Variants in CLDN16 observed in about 807,000 individuals in gnomAD.
CLDN16 encodes the protein claudin 16.
CLDN16 carries 13 observed loss-of-function variants against 24.6 expected under a neutral mutation model. The ratio of observed to expected loss-of-function variants is 0.53; its 90% confidence interval spans 0.34 to 0.84. The LOEUF (loss-of-function observed/expected upper bound fraction) is 0.84, where lower values mean the gene tolerates loss of function less well. Ranked by LOEUF, CLDN16 falls within the 40% of genes least tolerant of loss-of-function variation. The pLI is 0.01. For synonymous variants in CLDN16, 116 were observed against 106.7 expected, an observed-to-expected ratio of 1.09 and a Z score of -0.54; for missense variants, 298 against 292.7, an observed-to-expected ratio of 1.02 and a Z score of -0.13.
At chr3:190,302,994 A>G in the CLDN16 span, among the ~76,000 whole-genome samples, 1 of 151,926 alleles carries the variant, frequency 6.6e-6, no homozygotes, top group Non-Finnish European at 1.5e-5. Context: ...AAATTATTTG[A>G]AAGTTCTACC....
In CLDN16 at chr3:190,388,416, G is replaced by C. The variant is rs1064795763; in HGVS notation, c.87G>C (p.Trp29Cys). Residue 29 changes from tryptophan to cysteine, a missense_variant, in exon 1 of 5, where the codon TGG becomes TGC. Physicochemically the swap from Trp to Cys is radical, Grantham distance 215 (BLOSUM62 -2). Coordinates refer to ENST00000264734, the MANE Select transcript of CLDN16 (RefSeq NM_006580.4). ...TTGTGGCCACCTGGACTGACTGTTG[G>C]ATGGTGAATGCTGATGACTCTCTGG... Reference protein sequence around the residue: ...FLIVATWTDCWMVNADDSLEV... With the variant: ...FLIVATWTDCCMVNADDSLEV... 6.2e-7 allele frequency: 1 copy of C among 1,614,022 alleles called. No homozygotes were observed. The highest frequency in any genetic ancestry group is 8.5e-7 in the Non-Finnish European group (1 of 1,179,978).
chr3:190,387,901 A>T, upstream of CLDN16: 1 of 583,066 alleles, frequency 1.7e-6, no homozygotes, highest in Admixed American at 3.0e-5. Flanking sequence ...AGAATAGCTC[A>T]CTCTCCCTAG....
intron 1 of CLDN16, among the ~76,000 whole-genome samples, chr3:190,365,942 C>G (rs1320000106): frequency 6.6e-6 from 1 of 151,818 alleles, no homozygotes; most frequent in African/African-American, 2.4e-5. Context: ...CTACATAATT[C>G]TTAAGCAAGG....
intron 1 of CLDN16, among the ~76,000 whole-genome samples, chr3:190,345,751 C>T (rs1358310205): frequency 1.3e-5 from 2 of 152,070 alleles, no homozygotes; most frequent in African/African-American, 4.8e-5. Context: ...AAAATAAACA[C>T]ACTTTGGCAG....
chr3:190,292,688 T>A, the CLDN16 span, among the ~76,000 whole-genome samples: 1 of 152,188 alleles, frequency 6.6e-6, no homozygotes, highest in African/African-American at 2.4e-5. Flanking sequence ...TTTCAGATCA[T>A]CTCTCTCAAG....
chr3:190,347,238 A>G (rs1176550220), intron 1 of CLDN16, among the ~76,000 whole-genome samples: 1 of 152,220 alleles, frequency 6.6e-6, no homozygotes, highest in Non-Finnish European at 1.5e-5. Flanking sequence ...AAATATTTTT[A>G]GAGTAGACTC....
At chr3:190,381,531 T>C (rs527615291) in intron 3 of CLDN16, among the ~76,000 whole-genome samples, 1 of 152,280 alleles carries the variant, frequency 6.6e-6, no homozygotes, top group South Asian at 2.1e-4. Context: ...CACTGCTTCT[T>C]AATTTAATAC....
chr3:190,399,094 G>A (rs1267970621), intron 1 of CLDN16, among the ~76,000 whole-genome samples: 1 of 152,104 alleles, frequency 6.6e-6, no homozygotes, highest in Admixed American at 6.5e-5. Context: ...GGTGAAGTTC[G>A]CAGAATAATA....
At chr3:190,292,595 G>T in the CLDN16 span, among the ~76,000 whole-genome samples, 1 of 152,106 alleles carries the variant, frequency 6.6e-6, no homozygotes, top group Non-Finnish European at 1.5e-5. Context: ...CCCAGAAATG[G>T]GTTTTTCTTT....
At chr3:190,329,580 TG>T (rs1263088466) in intron 1 of CLDN16, among the ~76,000 whole-genome samples, 1 of 152,204 alleles carries the variant, frequency 6.6e-6, no homozygotes, top group East Asian at 1.9e-4. Flanking sequence ...AGATGCAATT[TG>T]GCTGTATTGT....
At chr3:190,303,519 T>C in the CLDN16 span, among the ~76,000 whole-genome samples, 4 of 152,122 alleles carry the variant, frequency 2.6e-5, no homozygotes, top group Non-Finnish European at 4.4e-5. Flanking sequence ...TTTTTTTCTA[T>C]TTTGGAAAAG....
chr3:190,406,250 A>G (rs1460772276), intron 3 of CLDN16, among the ~76,000 whole-genome samples: 1 of 152,150 alleles, frequency 6.6e-6, no homozygotes, highest in Non-Finnish European at 1.5e-5. Context: ...CGTCCTAATA[A>G]TCCTCAGATT....
At position 190,411,321 on chromosome 3, in the gene CLDN16, T is replaced by C. The variant is rs372146584; in HGVS notation, c.*1285T>C. The stretch of plus-strand genomic sequence containing the variant: ...TAAAATGTGGGTTTTGGGGAAAATA[T>C]AGAATTACATATACATTTAACGAAG... On this transcript the variant is annotated 3_prime_UTR_variant, in exon 5 of 5. Coordinates refer to ENST00000264734, the MANE Select transcript of CLDN16 (RefSeq NM_006580.4). The C allele has an allele frequency of 6.6e-6, 1 of 152,156 alleles. No homozygotes were observed. The highest frequency in any genetic ancestry group is 2.4e-5 in the African/African-American group (1 of 41,446). The allele number at this position is 152,156 out of a possible 1,614,324, so 9.4% of individuals were successfully genotyped here.
At chr3:190,308,733 A>T in the CLDN16 span, among the ~76,000 whole-genome samples, 30 of 152,320 alleles carry the variant, frequency 2.0e-4, no homozygotes, top group East Asian at 5.4e-3. Flanking sequence ...GCATGTTTAT[A>T]TGTTTTAGAA....
chr3:190,309,655 G>C, the CLDN16 span, among the ~76,000 whole-genome samples: 1 of 152,054 alleles, frequency 6.6e-6, no homozygotes, highest in South Asian at 2.1e-4. Context: ...TTACAGTTGT[G>C]AAAGAACAAA....
At chr3:190,407,028 A>G (rs997816201) in intron 3 of CLDN16, among the ~76,000 whole-genome samples, 1 of 152,020 alleles carries the variant, frequency 6.6e-6, no homozygotes, top group African/African-American at 2.4e-5. Context: ...GTGTGAGCCA[A>G]TGTGCCCGGC....
At chr3:190,308,516 T>A in the CLDN16 span, 5 of 1,316,488 alleles carry the variant, frequency 3.8e-6, no homozygotes, top group Non-Finnish European at 5.4e-6. Context: ...GGAAAAAAAA[T>A]CAATACTCAT....
At chr3:190,340,684 C>T (rs1290682727) in intron 1 of CLDN16, among the ~76,000 whole-genome samples, 1 of 152,128 alleles carries the variant, frequency 6.6e-6, no homozygotes, top group African/African-American at 2.4e-5. Context: ...TCATGCCTTC[C>T]CAACAGTCCC....
chr3:190,299,503 ATTCTT>A, the CLDN16 span, among the ~76,000 whole-genome samples: 1 of 151,840 alleles, frequency 6.6e-6, no homozygotes, highest in African/African-American at 2.4e-5. Flanking sequence ...AATTAGAAAA[ATTCTT>A]TAATTTATGG....
Sources: allele counts gnomAD v4.1 joint callset (sites outside exome capture counted in the v4.1 genomes callset), GRCh38; gene constraint gnomAD v4.1.1; transcripts MANE v1.5; gene names NCBI Gene and HGNC (gene_info 2026-07-23, HGNC 2026-07-21).